Variants in TPRX1 observed in about 807,000 individuals in gnomAD.
The protein encoded by TPRX1 is tetra-peptide repeat homeobox protein 1.
In TPRX1, 2 loss-of-function variants were observed where a neutral mutation model predicts 8.1. The ratio of observed to expected loss-of-function variants is 0.25; its 90% CI spans 0.10 to 0.78. The LOEUF (loss-of-function observed/expected upper bound fraction) is 0.78. TPRX1 is among the 30% of genes least tolerant of loss of function. The probability of loss-of-function intolerance (pLI) is 0.70; values close to 1 mark genes in which losing one functional copy is unlikely to be tolerated. For synonymous variants in TPRX1, 257 were observed against 254.1 expected (o/e 1.01, Z -0.11); for missense variants, 517 against 586.9 (o/e 0.88, Z 1.23).
intron 2 of TPRX1, among the ~76,000 whole-genome samples, chr19:47,813,116 TA>T (rs1967798779): frequency 8.6e-6 from 1 of 115,966 alleles, no homozygotes. Context: ...CAAAAATAAA[TA>T]AATAAATAAA....
In TPRX1 at chr19:47,802,413, AGATTGGGCCTGG is replaced by A. The variant is rs1379768528; in HGVS notation, c.877_888del (p.Pro293_Ile296del). The A allele has an allele frequency of 1.5e-5, 16 of 1,049,096 alleles. No individual in the cohort carries two copies. The East Asian group carries it at 7.9e-4, about 52-fold the overall frequency. The allele number at this position is 1,049,096 out of a possible 1,614,324, so 65.0% of individuals were successfully genotyped here. On this transcript the variant is annotated inframe_deletion, in exon 4 of 4. Transcript: ENST00000535759. Reference sequence around the variant, plus strand: ...GGGATCGGGCCTGGGATCGGGACTGAGATTGGGCCTGGGATCGGGCCTGAGATTGGGCCTGGG... The same window carrying A: ...GGGATCGGGCCTGGGATCGGGACTGAGATCGGGCCTGAGATTGGGCCTGGG...
chr19:47,815,119 T>TATATATATATATGCAA lies in TPRX1; in HGVS notation c.151+3348_151+3349insTTGCATATATATATAT, dbSNP rs1457198874. ...TAGCTCAATAAATAGATAAATTATA[T>TATATATATATATGCAA]ATATATATATATATATATATATATG... On this transcript the variant is annotated intron_variant, in intron 2 of 3. Coordinates refer to ENST00000535759, the Ensembl canonical transcript of TPRX1. 5.2e-3 allele frequency among the ~76,000 whole-genome samples: 408 copies of TATATATATATATGCAA among 78,022 alleles called. 13 individuals are homozygous for TATATATATATATGCAA. The highest frequency in any genetic ancestry group is 0.013 in the African/African-American group (245 of 18,512). The allele number at this position is 78,022 out of a possible 152,430, so 51.2% of individuals were successfully genotyped here. A position where few individuals can be genotyped will look rare whatever the true frequency, so the allele number is the denominator to read the frequency against.
intron 2 of TPRX1, among the ~76,000 whole-genome samples, chr19:47,815,129 T>TGCAAATATATATATATATGCAA (rs1427370335): frequency 6.9e-5 from 7 of 101,748 alleles, no homozygotes; most frequent in African/African-American, 1.4e-4. Context: ...TATATATATA[T>TGCAAATATATATATATATGCAA]ATATATATAT....
intron 2 of TPRX1, among the ~76,000 whole-genome samples, chr19:47,813,137 A>AAATAAATAAATAAAT (rs1967799178): frequency 6.8e-6 from 1 of 147,850 alleles, no homozygotes; most frequent in African/African-American, 2.5e-5. Flanking sequence ...ATAAATAAAT[A>AAATAAATAAATAAAT]AATAATAATA....
In TPRX1 at chr19:47,803,487, G is replaced by A. The variant is rs575218080; in HGVS notation, c.321+17C>T. 3 of 1,408,898 alleles carry A rather than the reference G, an allele frequency of 2.1e-6. No homozygotes were observed. The highest frequency in any genetic ancestry group is 1.5e-5 in the African/African-American group (1 of 66,114). The allele number at this position is 1,408,898 out of a possible 1,614,324, so 87.3% of individuals were successfully genotyped here. On this transcript the variant is annotated intron_variant, in intron 3 of 3. Coordinates refer to ENST00000535759, the Ensembl canonical transcript of TPRX1. Reference sequence around the variant, plus strand: ...TTGGGGTGACTGGGGCGGGCAGGGTGGGGGTGGGGGTCAGACCTGCAGCTG... The same window carrying A: ...TTGGGGTGACTGGGGCGGGCAGGGTAGGGGTGGGGGTCAGACCTGCAGCTG...
chr19:47,805,907 C>G (rs879317898), intron 2 of TPRX1, among the ~76,000 whole-genome samples: 1 of 152,204 alleles, frequency 6.6e-6, no homozygotes, highest in South Asian at 2.1e-4. Flanking sequence ...CTGAAAACAT[C>G]GATCCACTGA....
chr19:47,815,652 A>T (rs1967833286), intron 2 of TPRX1, among the ~76,000 whole-genome samples: 1 of 147,260 alleles, frequency 6.8e-6, no homozygotes, highest in Non-Finnish European at 1.5e-5. Context: ...TCTACAAAAA[A>T]AAAAAAAAAA....
In TPRX1 at chr19:47,802,608, T is replaced by C. The variant is rs970113050; in HGVS notation, c.694A>G (p.Ile232Val). The C allele has an allele frequency of 7.7e-6, 12 of 1,548,820 alleles. No homozygotes were observed. In the Admixed American group the frequency reaches 7.9e-5, roughly 10 times the overall value. Residue 232 changes from isoleucine to valine, a missense_variant, in exon 4 of 4, where the codon ATC becomes GTC. This residue lies in a region of TPRX1 where 506 missense variants were observed against 515.5 expected (regional missense o/e 0.98). Transcript: ENST00000535759. ...ACTGGGCCTGAAATTGGGCCTGGGA[T>C]TGGGGCTGGGATCGGGCTTGGGATC...
intron 3 of TPRX1, among the ~76,000 whole-genome samples, chr19:47,803,240 G>C (rs1178714958): frequency 1.3e-5 from 2 of 151,960 alleles, no homozygotes; most frequent in East Asian, 3.9e-4. Context: ...GAGGGTTCGA[G>C]GGGAGGGACC....
At chr19:47,813,140 T>TA (rs746161206) in intron 2 of TPRX1, among the ~76,000 whole-genome samples, 22 of 130,772 alleles carry the variant, frequency 1.7e-4, no homozygotes, top group Non-Finnish European at 2.8e-4. Context: ...AATAAATAAA[T>TA]AATAATAAAT....
At chr19:47,802,445 C>T (rs1275849722) in exon 4 of TPRX1, 2 of 1,476,518 alleles carry the variant, frequency 1.4e-6, no homozygotes, top group Non-Finnish European at 9.1e-7. Context: ...TGAGATTGGG[C>T]CTGGGATCGG....
At chr19:47,814,420 A>G (rs1235055044) in intron 2 of TPRX1, among the ~76,000 whole-genome samples, 5 of 152,180 alleles carry the variant, frequency 3.3e-5, no homozygotes, top group Non-Finnish European at 1.5e-5. Flanking sequence ...GCACTTTGGG[A>G]AGCTAAAGCA....
chr19:47,818,212 C>T (rs1370713851), intron 2 of TPRX1, among the ~76,000 whole-genome samples: 1 of 147,838 alleles, frequency 6.8e-6, no homozygotes, highest in Non-Finnish European at 1.5e-5. Flanking sequence ...CATCCATCAC[C>T]CATCCATCCA....
intron 2 of TPRX1, among the ~76,000 whole-genome samples, chr19:47,815,137 TATATATGCAAATATATATA>T (rs1234119988): frequency 1.5e-4 from 17 of 111,732 alleles, no homozygotes; most frequent in African/African-American, 5.7e-4. Flanking sequence ...TATATATATA[TATATATGCAAATATATATA>T]TATATATTTT....
chr19:47,802,120 G>A, exon 4 of TPRX1: 10 of 1,585,648 alleles, frequency 6.3e-6, no homozygotes, highest in Non-Finnish European at 8.6e-6. Flanking sequence ...CTGGAAGTGA[G>A]CCAGGGCTTC....
chr19:47,818,012 G>A (rs1393761704), intron 2 of TPRX1, among the ~76,000 whole-genome samples: 1 of 152,208 alleles, frequency 6.6e-6, no homozygotes, highest in Non-Finnish European at 1.5e-5. Flanking sequence ...CACAGTTAGA[G>A]CCTGAATGAA....
chr19:47,802,614 C>CTGGGATCGGGCT (rs999015973), exon 4 of TPRX1: 1 of 1,550,450 alleles, frequency 6.4e-7, no homozygotes, highest in Middle Eastern at 1.7e-4. Flanking sequence ...GGGATTGGGG[C>CTGGGATCGGGCT]TGGGATCGGG....
chr19:47,815,247 C>T lies in TPRX1; in HGVS notation c.151+3221G>A, dbSNP rs192040617. ...TCGGCTCACTGCAACCTCCGCCTCC[C>T]GGGTTCAAGCGATTGTCCTGCCTCA... On this transcript the variant is annotated intron_variant, in intron 2 of 3. Transcript: ENST00000535759. 1.7e-3 allele frequency among the ~76,000 whole-genome samples: 226 copies of T among 135,818 alleles called. 2 individuals carry two copies. The highest frequency in any genetic ancestry group is 8.1e-4 in the Non-Finnish European group (51 of 62,894). The allele number at this position is 135,818 out of a possible 152,430, so 89.1% of individuals were successfully genotyped here. A position where few individuals can be genotyped will look rare whatever the true frequency, so the allele number is the denominator to read the frequency against.
intron 2 of TPRX1, among the ~76,000 whole-genome samples, chr19:47,817,473 C>T (rs947950702): frequency 3.9e-5 from 6 of 152,186 alleles, no homozygotes; most frequent in Admixed American, 1.3e-4. Flanking sequence ...TTAGGATGCT[C>T]GCCACAGCCC....
Sources: allele counts gnomAD v4.1 joint callset (sites outside exome capture counted in the v4.1 genomes callset), GRCh38; gene constraint gnomAD v4.1.1; regional missense constraint gnomAD v4.1.1; transcripts MANE v1.5; gene names NCBI Gene and HGNC (gene_info 2026-07-23, HGNC 2026-07-21).